The following DOK7 variants were observed in gnomAD, a reference collection of about 807,000 sequenced individuals.
DOK7 encodes the protein protein Dok-7.
In DOK7, 32 loss-of-function variants were observed where a neutral mutation model predicts 30.7. That is an observed-to-expected ratio of 1.04 (90% CI 0.79 to 1.40). The LOEUF is 1.40. Ranked by LOEUF, DOK7 falls within the 40% of genes most tolerant of loss-of-function variation. The pLI is 0.00. For missense variants in DOK7, 1,007 were observed against 699.2 expected (o/e 1.44, Z -4.97); for synonymous variants, 447 against 324.1 (o/e 1.38, Z -4.07).
chr4:3,492,658 G>C, intron 6 of DOK7, 101 bp from the exon 7 acceptor site: 1 of 1,533,604 alleles, frequency 6.5e-7, no homozygotes, highest in Non-Finnish European at 8.8e-7. Context: ...GGTGGGGCGA[G>C]ACCAGAGAGT....
downstream of DOK7, among the ~76,000 whole-genome samples, chr4:3,495,122 C>G (rs1340427523): frequency 1.3e-5 from 2 of 152,190 alleles, no homozygotes; most frequent in African/African-American, 2.4e-5. Flanking sequence ...CTCTGAGCCT[C>G]AGTTTCCTCT....
intron 2 of DOK7, among the ~76,000 whole-genome samples, chr4:3,465,802 C>G (rs1726231387): frequency 6.6e-6 from 1 of 152,218 alleles, no homozygotes; most frequent in Admixed American, 6.5e-5. Flanking sequence ...GAATGCGTGT[C>G]TGCGTCCCCT....
intron 3 of DOK7, among the ~76,000 whole-genome samples, chr4:3,474,896 AGT>A (rs918977556): frequency 3.3e-5 from 5 of 152,188 alleles, no homozygotes; most frequent in Non-Finnish European, 5.9e-5. Context: ...TGGGCGACAG[AGT>A]GAGACCCTGT....
intron 2 of DOK7, 74 bp from the exon 3 acceptor site, chr4:3,473,332 C>G: frequency 6.8e-7 from 1 of 1,476,018 alleles, no homozygotes; most frequent in Non-Finnish European, 9.3e-7. Flanking sequence ...TGCACTGTCA[C>G]GGCCTCCCCG....
rs780241191 is a variant in DOK7, at chr4:3,476,592, C to G, written c.532+50C>G. Reference sequence around the variant, plus strand: ...TGGGCAGCAGCAGCACCCCCCACTTCCCCTGAGAACTGCTGGCTTCGGGCC... The same window carrying G: ...TGGGCAGCAGCAGCACCCCCCACTTGCCCTGAGAACTGCTGGCTTCGGGCC... On this transcript the variant is annotated intron_variant, in intron 4 of 6. Transcript: ENST00000340083. The G allele has an allele frequency of 1.9e-6, 3 of 1,609,342 alleles. No individual in the cohort carries two copies. In the East Asian group the frequency reaches 6.7e-5, roughly 36 times the overall value.
At chr4:3,467,388 T>C (rs1726357654) in intron 2 of DOK7, among the ~76,000 whole-genome samples, 1 of 145,804 alleles carries the variant, frequency 6.9e-6, no homozygotes, top group East Asian at 2.2e-4. Flanking sequence ...TGCGTCCAAC[T>C]GCCTGTGTGC....
intron 4 of DOK7, among the ~76,000 whole-genome samples, chr4:3,477,962 G>A (rs574860431): frequency 3.0e-4 from 45 of 152,288 alleles, no homozygotes; most frequent in African/African-American, 3.6e-4. Context: ...GTGGGTTGGC[G>A]GTGGCTGGGC....
intron 2 of DOK7, among the ~76,000 whole-genome samples, chr4:3,471,339 A>G (rs10007119): frequency 0.54 from 82,721 of 152,152 alleles, 24,727 homozygotes; most frequent in African/African-American, 0.8. Context: ...CCAAGGCCAT[A>G]CAGCTGGGAG....
At chr4:3,489,895 T>G in intron 6 of DOK7, 99 bp downstream of exon 6, 1 of 1,480,124 alleles carries the variant, frequency 6.8e-7, no homozygotes, top group South Asian at 1.3e-5. Context: ...GCAGGCTCCC[T>G]CTGCTCATTC....
At chr4:3,483,389 C>T (rs972988482) in intron 4 of DOK7, among the ~76,000 whole-genome samples, 3 of 152,098 alleles carry the variant, frequency 2.0e-5, no homozygotes, top group African/African-American at 4.8e-5. Flanking sequence ...AGAGCCTAGT[C>T]GTGCGGTGTC....
chr4:3,491,204 CCCCTGCTCATTCCTTCCT>C (rs1728393258), intron 6 of DOK7, among the ~76,000 whole-genome samples: 1 of 42,268 alleles, frequency 2.4e-5, no homozygotes, highest in Non-Finnish European at 4.5e-5. Context: ...CATTCCTTCC[CCCCTGCTCATTCCTTCCT>C]TCTCCCGCTG....
intron 5 of DOK7, among the ~76,000 whole-genome samples, chr4:3,486,041 C>T (rs114148896): frequency 0.059 from 8,958 of 152,274 alleles, 374 homozygotes; most frequent in African/African-American, 0.11. Flanking sequence ...CTCGGTGGCC[C>T]GGGGGCAGCT....
chr4:3,494,084 T>C lies in DOK7; in HGVS notation c.*583T>C. ...CTGTGTGGCTTGCGGGGTCTCTGGG[T>C]TCTGGGCCCCACTGTTCCCCAGTGA... On this transcript the variant is annotated 3_prime_UTR_variant, in exon 7 of 7. Coordinates refer to ENST00000340083, the MANE Select transcript of DOK7 (RefSeq NM_173660.5). 5.1e-6 allele frequency: 5 copies of C among 986,702 alleles called. No individual in the cohort carries two copies. The highest frequency in any genetic ancestry group is 4.8e-6 in the Non-Finnish European group (4 of 830,912). The allele number at this position is 986,702 out of a possible 1,614,324, so 61.1% of individuals were successfully genotyped here. A position where few individuals can be genotyped will look rare whatever the true frequency, so the allele number is the denominator to read the frequency against.
intron 5 of DOK7, among the ~76,000 whole-genome samples, chr4:3,488,852 A>G (rs2248687): frequency 0.07 from 10,625 of 151,744 alleles, 551 homozygotes; most frequent in East Asian, 0.24. Flanking sequence ...TGGATGTGGA[A>G]GGGGCAGGGT....
chr4:3,488,037 AG>A, intron 5 of DOK7, among the ~76,000 whole-genome samples: 2 of 152,320 alleles, frequency 1.3e-5, no homozygotes, highest in East Asian at 3.9e-4. Context: ...CCGTGTCGGG[AG>A]GGACTGATGC....
chr4:3,463,536 C>G lies in DOK7; in HGVS notation c.85C>G (p.Pro29Ala), dbSNP rs902383987. The change falls in exon 2 of 7, where the codon CCG becomes GCG. Residue 29 changes from proline to alanine, a missense_variant. Coordinates refer to ENST00000340083, the MANE Select transcript of DOK7 (RefSeq NM_173660.5). The stretch of plus-strand genomic sequence containing the variant: ...GAGTAGGTGGCTGGTGCTGCGGAAG[C>G]CGTCGCCCGTGGCAGGTGAGCGGGG... ...WKSRWLVLRK[P>A]SPVADCLLML... is the part of the protein sequence containing the mutation. The G allele has an allele frequency of 4.6e-5, 69 of 1,509,416 alleles. No homozygotes were observed. Among genetic ancestry groups the G allele is most frequent in the Non-Finnish European group, 6.0e-5 (68 of 1,132,392 alleles). 93.5% of individuals were successfully genotyped at this position (1,509,416 alleles called of 1,614,324 possible).
At chr4:3,496,729 G>C, downstream of DOK7, 1 of 1,423,244 alleles carries the variant, frequency 7.0e-7, no homozygotes, top group Non-Finnish European at 9.4e-7. Context: ...TGTCACTCTT[G>C]GGGGGTAGTG....
chr4:3,474,541 GC>G (rs1726953664), intron 3 of DOK7, among the ~76,000 whole-genome samples: 1 of 152,170 alleles, frequency 6.6e-6, no homozygotes, highest in Non-Finnish European at 1.5e-5. Context: ...AAAAATGATG[GC>G]CAGGTGCAGT....
At position 3,493,387 on chromosome 4, in the gene DOK7, T is replaced by G; in HGVS notation, c.1401T>G (p.Pro467=). Residue 467 remains proline, a synonymous_variant, in exon 7 of 7, where the codon CCT becomes CCG. Coordinates refer to ENST00000340083, the MANE Select transcript of DOK7 (RefSeq NM_173660.5). ...EAPQGSEATL[P]GPAPGEPWEA... is the part of the protein sequence containing the mutation. ...CCCAGGGCAGCGAGGCCACACTGCC[T>G]GGCCCTGCCCCTGGCGAGCCCTGGG... The G allele has an allele frequency of 6.3e-7, 1 of 1,594,900 alleles. No homozygotes were observed. Among genetic ancestry groups the G allele is most frequent in the Non-Finnish European group, 8.5e-7 (1 of 1,171,216 alleles).
Sources: allele counts gnomAD v4.1 joint callset (sites outside exome capture counted in the v4.1 genomes callset), GRCh38; gene constraint gnomAD v4.1.1; transcripts MANE v1.5; gene names NCBI Gene and HGNC (gene_info 2026-07-23, HGNC 2026-07-21).